DIP2C: variants seen among roughly 807,000 people sequenced by gnomAD.
DIP2C encodes the protein disco-interacting protein 2 homolog C.
A neutral mutation model predicts 192.4 loss-of-function variants in DIP2C; 33 were observed. The ratio of observed to expected loss-of-function variants is 0.17; its 90% CI spans 0.13 to 0.23. The LOEUF (loss-of-function observed/expected upper bound fraction) is 0.23, where lower values mean the gene tolerates loss of function less well. DIP2C is among the 10% of genes least tolerant of loss of function. DIP2C has a pLI of 1.00. For synonymous variants in DIP2C, 979 were observed against 864.1 expected (o/e 1.13, Z -2.33); for missense variants, 1,537 against 2,110.1 (o/e 0.73, Z 5.32).
rs532744289 is a variant in DIP2C, at chr10:528,730, C to T, written c.86-42200G>A. Among the ~76,000 whole-genome samples the T allele has an allele frequency of 4.6e-5, 7 of 152,304 alleles. No individual in the cohort carries two copies. The East Asian group carries it at 5.8e-4, about 13-fold the overall frequency. ...CACAGTATCCTGTGGATCCATACAA[C>T]GGTGCAGTGTGCCCCAGGAGCTTGC... is the stretch of plus-strand genomic sequence containing the variant. On this transcript the variant is annotated intron_variant, in intron 1 of 36. Transcript: ENST00000280886.
chr10:526,098 G>C (rs1847035590), intron 1 of DIP2C, among the ~76,000 whole-genome samples: 1 of 152,188 alleles, frequency 6.6e-6, no homozygotes, highest in Non-Finnish European at 1.5e-5. Flanking sequence ...ACTGAACTTA[G>C]AATGAGAGAA....
At chr10:387,953 A>G (rs535650310) in intron 13 of DIP2C, 144 bp from the exon 14 acceptor site, 179 of 952,190 alleles carry the variant, frequency 1.9e-4, no homozygotes, top group South Asian at 1.5e-3. Context: ...GAAATTCTGT[A>G]GACTCCAAGT....
chr10:394,845 C>T (rs1012834985), intron 10 of DIP2C, among the ~76,000 whole-genome samples: 2 of 138,532 alleles, frequency 1.4e-5, no homozygotes, highest in Non-Finnish European at 3.1e-5. Context: ...TGTGCTGAAC[C>T]GAAGGACATT....
chr10:290,549 G>C (rs149650833), intron 32 of DIP2C, among the ~76,000 whole-genome samples: 1 of 152,196 alleles, frequency 6.6e-6, no homozygotes, highest in African/African-American at 2.4e-5. Flanking sequence ...TCCTTCCTCC[G>C]TGCCAGGAGG....
At chr10:618,615 T>TA (rs1853629463) in intron 1 of DIP2C, among the ~76,000 whole-genome samples, 9 of 152,220 alleles carry the variant, frequency 5.9e-5, no homozygotes, top group Non-Finnish European at 8.8e-5. Context: ...TAATGATTTT[T>TA]AGACTCTCAT....
chr10:364,335 A>T, intron 20 of DIP2C, 39 bp downstream of exon 20: 1 of 1,585,034 alleles, frequency 6.3e-7, no homozygotes, highest in Non-Finnish European at 8.6e-7. Context: ...AATATGGCCG[A>T]CCGGAAACCA....
chr10:520,308 A>T (rs994863156), intron 1 of DIP2C, among the ~76,000 whole-genome samples: 2 of 152,212 alleles, frequency 1.3e-5, no homozygotes, highest in African/African-American at 4.8e-5. Context: ...GTCACATCAG[A>T]GCCGACAGCA....
chr10:414,932 G>A (rs1965534563), intron 7 of DIP2C, among the ~76,000 whole-genome samples: 1 of 137,834 alleles, frequency 7.3e-6, no homozygotes, highest in African/African-American at 2.8e-5. Context: ...GGTAGAGACA[G>A]GGTTTTGCCA....
intron 32 of DIP2C, among the ~76,000 whole-genome samples, chr10:295,016 G>A (rs2132226817): frequency 6.6e-6 from 1 of 151,536 alleles, no homozygotes; most frequent in South Asian, 2.1e-4. Context: ...ATGGGCAAAT[G>A]ATCCAGACAT....
chr10:374,777 G>A (rs1175332768), intron 17 of DIP2C, among the ~76,000 whole-genome samples: 1 of 152,226 alleles, frequency 6.6e-6, no homozygotes, highest in East Asian at 1.9e-4. Flanking sequence ...GTAGGTAGAT[G>A]AGGTGAGGAA....
chr10:348,869 G>A, intron 25 of DIP2C, 107 bp from the exon 26 acceptor site: 3 of 1,503,200 alleles, frequency 2.0e-6, no homozygotes, highest in Admixed American at 2.2e-5. Context: ...AGGGAAACGA[G>A]CAGCTGAGCT....
At chr10:595,772 G>C (rs918286314) in intron 1 of DIP2C, among the ~76,000 whole-genome samples, 4 of 152,136 alleles carry the variant, frequency 2.6e-5, no homozygotes, top group Non-Finnish European at 4.4e-5. Context: ...ATAAGGGTTT[G>C]GTTGGGAAAA....
intron 1 of DIP2C, among the ~76,000 whole-genome samples, chr10:566,075 G>A (rs1306107439): frequency 2.0e-5 from 3 of 152,160 alleles, no homozygotes; most frequent in African/African-American, 4.8e-5. Flanking sequence ...AAAAAACCAC[G>A]TATCTCAACA....
intron 1 of DIP2C, among the ~76,000 whole-genome samples, chr10:504,501 TG>T (rs1845452333): frequency 2.0e-5 from 3 of 152,140 alleles, no homozygotes; most frequent in Admixed American, 2.0e-4. Context: ...AGAGCGAGGA[TG>T]GGACTCAGAA....
intron 10 of DIP2C, among the ~76,000 whole-genome samples, chr10:394,961 T>A (rs1439828785): frequency 1.4e-5 from 2 of 139,678 alleles, no homozygotes; most frequent in Non-Finnish European, 3.1e-5. Flanking sequence ...CAGCCGTCAG[T>A]GAGGAGGGAA....
At chr10:619,055 G>A (rs757199213) in intron 1 of DIP2C, among the ~76,000 whole-genome samples, 5 of 152,116 alleles carry the variant, frequency 3.3e-5, no homozygotes, top group Non-Finnish European at 5.9e-5. Context: ...AATTCTAGTC[G>A]CTGTCTCCTG....
intron 1 of DIP2C, among the ~76,000 whole-genome samples, chr10:492,319 C>T (rs1292405486): frequency 6.6e-6 from 1 of 152,224 alleles, no homozygotes; most frequent in Non-Finnish European, 1.5e-5. Flanking sequence ...CCAAGTCCTT[C>T]CCAACCTGGC....
At position 548,404 on chromosome 10, in the gene DIP2C, G is replaced by A. The variant is rs553896134; in HGVS notation, c.86-61874C>T. Among the ~76,000 whole-genome samples the A allele has an allele frequency of 6.0e-5, 9 of 150,422 alleles. No homozygotes were observed. The South Asian group carries it at 1.7e-3, about 29-fold the overall frequency. ...GGAAAAGAGCATCGAACAGCCCCTC[G>A]GGAGGGCAGTCAGCAGGAGCCGCGG... is the stretch of plus-strand genomic sequence containing the variant. On this transcript the variant is annotated intron_variant, in intron 1 of 36. Transcript: ENST00000280886.
chr10:499,861 A>G (rs1479868103), intron 1 of DIP2C, among the ~76,000 whole-genome samples: 2 of 152,212 alleles, frequency 1.3e-5, no homozygotes, highest in Non-Finnish European at 2.9e-5. Context: ...CAAATTGTTG[A>G]CTTTATCATA....
Sources: allele counts gnomAD v4.1 joint callset (sites outside exome capture counted in the v4.1 genomes callset), GRCh38; gene constraint gnomAD v4.1.1; transcripts MANE v1.5; gene names NCBI Gene and HGNC (gene_info 2026-07-23, HGNC 2026-07-21).